ADGRE5: variants seen among roughly 807,000 people sequenced by gnomAD.
The protein encoded by ADGRE5 is CD97 molecule.
In ADGRE5, 72 loss-of-function variants were observed where a neutral mutation model predicts 100.3. The ratio of observed to expected loss-of-function variants is 0.72; its 90% CI spans 0.59 to 0.87. The LOEUF is 0.87. Ranked by LOEUF, ADGRE5 falls within the 40% of genes least tolerant of loss-of-function variation. The probability of loss-of-function intolerance (pLI) is 0.00; values close to 1 mark genes in which losing one functional copy is unlikely to be tolerated. For missense variants in ADGRE5, 959 were observed against 1,094.7 expected (o/e 0.88, Z 1.75); for synonymous variants, 439 against 447.8 (o/e 0.98, Z 0.25).
intron 1 of ADGRE5, 88 bp downstream of exon 1, chr19:14,381,633 T>C (rs1975159994): frequency 6.9e-7 from 1 of 1,455,382 alleles, no homozygotes; most frequent in Non-Finnish European, 9.3e-7. Flanking sequence ...GCGCCGCTGG[T>C]GTCTGTGGGG....
chr19:14,408,190 T>C lies in ADGRE5; in HGVS notation c.*69T>C. 1 of 1,538,300 alleles carries C rather than the reference T, an allele frequency of 6.5e-7. No homozygotes were observed. The highest frequency in any genetic ancestry group is 8.9e-7 in the Non-Finnish European group (1 of 1,119,992). Reference sequence around the variant, plus strand: ...CAGCTTTGTACACGAAGACCATCCATCCTCCCTTCGTCCACCACTCTACTC... The same window carrying C: ...CAGCTTTGTACACGAAGACCATCCACCCTCCCTTCGTCCACCACTCTACTC... On this transcript the variant is annotated 3_prime_UTR_variant, in exon 20 of 20. Transcript: ENST00000242786.
In ADGRE5 at chr19:14,401,434, G is replaced by A. The variant is rs750006287; in HGVS notation, c.946G>A (p.Glu316Lys). 4 of 1,614,166 alleles carry A rather than the reference G, an allele frequency of 2.5e-6. No homozygotes were observed. In the South Asian group the frequency reaches 3.3e-5, roughly 13 times the overall value. ...ACTGATGGAAGCTCCTGGAGACGTAGAGGCCCTGGCGCCACCTGTCCGGCA... is the reference window on the plus strand; with the variant it reads ...ACTGATGGAAGCTCCTGGAGACGTAAAGGCCCTGGCGCCACCTGTCCGGCA... Reference protein sequence around the residue: ...DELMEAPGDVEALAPPVRHLI... With the variant: ...DELMEAPGDVKALAPPVRHLI... Residue 316 changes from glutamate to lysine, a missense_variant, in exon 10 of 20, where the codon GAG (glutamate) becomes AAG (lysine). Around this residue, in one of 6 missense-constraint regions of ADGRE5, gnomAD observed 246 missense variants for 242.2 expected, o/e 1.02. Coordinates refer to ENST00000242786, the MANE Select transcript of ADGRE5 (RefSeq NM_078481.4). The surrounding 1 kb of genome is among the most constrained non-coding windows in gnomAD (Gnocchi z 4.1).
intron 4 of ADGRE5, among the ~76,000 whole-genome samples, chr19:14,395,427 A>G (rs1244929576): frequency 2.0e-5 from 3 of 152,094 alleles, no homozygotes; most frequent in Non-Finnish European, 4.4e-5. Context: ...CCTCTCCTGT[A>G]GTCAGTCCTG....
rs1479598568 is a variant in ADGRE5, at chr19:14,404,388, G to C, written c.1455G>C (p.Val485=). The part of the protein sequence containing the change: ...EAGRDPPAKD[V]MPGPRQELLC... ...CCACCCCCATCTGCCCACAGGACGTGATGCCTGGGCCACGGCAGGAGCTGC... is the reference window on the plus strand; with the variant it reads ...CCACCCCCATCTGCCCACAGGACGTCATGCCTGGGCCACGGCAGGAGCTGC... The change falls in exon 13 of 20, where the codon GTG becomes GTC. Residue 485 remains valine, a synonymous_variant. Coordinates refer to ENST00000242786, the MANE Select transcript of ADGRE5 (RefSeq NM_078481.4). 1 of 1,608,730 alleles carries C rather than the reference G, an allele frequency of 6.2e-7. No individual in the cohort carries two copies. Among genetic ancestry groups the C allele is most frequent in the Non-Finnish European group, 8.5e-7 (1 of 1,178,492 alleles).
intron 5 of ADGRE5, among the ~76,000 whole-genome samples, 183 bp downstream of exon 5, chr19:14,396,656 G>T (rs1975792369): frequency 6.6e-6 from 1 of 152,266 alleles, no homozygotes; most frequent in South Asian, 2.1e-4. Context: ...CAGGGAGGCG[G>T]CAGGGCCTTC....
chr19:14,404,922 C>T, intron 13 of ADGRE5: 1 of 260,294 alleles, frequency 3.8e-6, no homozygotes, highest in South Asian at 4.3e-5. Context: ...TATGGTGGCA[C>T]AATCTCAGCT....
Position 14,406,575 on chromosome 19 carries a change from G to A in ADGRE5, c.2048+18G>A, listed in dbSNP as rs1289002355. The A allele has an allele frequency of 6.2e-7, 1 of 1,605,716 alleles. No homozygotes were observed. ...CCCAGATAGTGAGTGCAGCGAGATG[G>A]GGCAGGAGGAAGGCGGGGTGCTGGG... On this transcript the variant is annotated intron_variant, in intron 15 of 19. Transcript: ENST00000242786. The surrounding 1 kb of genome is among the most constrained non-coding windows in gnomAD (Gnocchi z 6.0).
chr19:14,382,988 C>T (rs1192861696), intron 1 of ADGRE5, among the ~76,000 whole-genome samples: 10 of 151,912 alleles, frequency 6.6e-5, no homozygotes, highest in Middle Eastern at 3.2e-3. Flanking sequence ...CACCCGCCTC[C>T]GCCTCCCAAA....
chr19:14,407,479 G>C (rs986488635), intron 18 of ADGRE5, among the ~76,000 whole-genome samples: 1 of 152,008 alleles, frequency 6.6e-6, no homozygotes. Flanking sequence ...GTGAAACCCT[G>C]TCTCTACTAA....
At chr19:14,382,007 C>G (rs1975176785) in intron 1 of ADGRE5, among the ~76,000 whole-genome samples, 1 of 152,186 alleles carries the variant, frequency 6.6e-6, no homozygotes, top group African/African-American at 2.4e-5. Context: ...GCAGGGGCAG[C>G]CCCCAGAGAC....
chr19:14,403,987 C>T (rs1050180438), intron 12 of ADGRE5, among the ~76,000 whole-genome samples: 1 of 148,752 alleles, frequency 6.7e-6, no homozygotes, highest in African/African-American at 2.5e-5. Flanking sequence ...AGCGATTCTC[C>T]TGCCCAGGAC....
chr19:14,384,211 G>A, intron 1 of ADGRE5, among the ~76,000 whole-genome samples: 1 of 151,506 alleles, frequency 6.6e-6, no homozygotes, highest in East Asian at 1.9e-4. Flanking sequence ...GGGGGTTTCG[G>A]CCTTGGTTTA....
chr19:14,383,331 T>G (rs1440685270), intron 1 of ADGRE5, among the ~76,000 whole-genome samples: 1 of 151,836 alleles, frequency 6.6e-6, no homozygotes, highest in Non-Finnish European at 1.5e-5. Flanking sequence ...ATGGTGAAAC[T>G]CTGTCTTTAC....
At chr19:14,394,617 G>A (rs761051897) in intron 4 of ADGRE5, among the ~76,000 whole-genome samples, 4 of 152,112 alleles carry the variant, frequency 2.6e-5, no homozygotes, top group East Asian at 1.9e-4. Flanking sequence ...ATGACATGGC[G>A]TGTGGTGGCG....
chr19:14,390,544 G>A (rs1048224641), intron 3 of ADGRE5, among the ~76,000 whole-genome samples: 3 of 152,110 alleles, frequency 2.0e-5, no homozygotes, highest in South Asian at 2.1e-4. Flanking sequence ...GGCTGGTCTC[G>A]AACTCCTGAC....
chr19:14,408,201 TCCA>T lies in ADGRE5; in HGVS notation c.*85_*87del. 6.8e-7 allele frequency: 1 copy of T among 1,461,504 alleles called. No individual in the cohort carries two copies. The allele number at this position is 1,461,504 out of a possible 1,614,324, so 90.5% of individuals were successfully genotyped here. A position where few individuals can be genotyped will look rare whatever the true frequency, so the allele number is the denominator to read the frequency against. ...ACGAAGACCATCCATCCTCCCTTCGTCCACCACTCTACTCCCTCCACCCTCCCT... is the reference window on the plus strand; with the variant it reads ...ACGAAGACCATCCATCCTCCCTTCGTCCACTCTACTCCCTCCACCCTCCCT... On this transcript the variant is annotated 3_prime_UTR_variant, in exon 20 of 20. Coordinates refer to ENST00000242786, the MANE Select transcript of ADGRE5 (RefSeq NM_078481.4).
At chr19:14,407,039 G>A (rs1276216693) in intron 17 of ADGRE5, 22 bp from the exon 18 acceptor site, 3 of 1,613,802 alleles carry the variant, frequency 1.9e-6, no homozygotes, top group African/African-American at 1.3e-5. Context: ...GGGGGCCCAC[G>A]CTGCAACCCC....
chr19:14,388,331 G>A (rs573088933), intron 1 of ADGRE5, 119 bp from the exon 2 acceptor site: 22 of 1,532,094 alleles, frequency 1.4e-5, no homozygotes, highest in East Asian at 2.4e-5. Context: ...CACTCTGAAC[G>A]ACCGTCAGGA....
At position 14,402,657 on chromosome 19, in the gene ADGRE5, C is replaced by T. The variant is rs779578098; in HGVS notation, c.1244C>T (p.Ser415Phe). ...ATGACGACATTGCTGGCCAATGCCT[C>T]CTTGAACCTGCATTCCAAGAAGCAA... ...QNMTTLLANA[S>F]LNLHSKKQAE... Residue 415 changes from serine (S) to phenylalanine (F), a missense_variant, in exon 12 of 20, where the codon TCC (serine) becomes TTC (phenylalanine). By Grantham distance (155) the Ser-to-Phe change is radical. This residue lies in a region of ADGRE5 where 246 missense variants were observed against 242.2 expected (regional missense o/e 1.02). Coordinates refer to ENST00000242786, the MANE Select transcript of ADGRE5 (RefSeq NM_078481.4). 6.2e-7 allele frequency: 1 copy of T among 1,614,086 alleles called. No individual in the cohort carries two copies. The highest frequency in any genetic ancestry group is 8.5e-7 in the Non-Finnish European group (1 of 1,179,996).
Sources: gnomAD v4.1 joint callset for allele counts (sites outside exome capture counted in the v4.1 genomes callset) on GRCh38, gnomAD v4.1.1 for gene constraint, gnomAD v4.1.1 regional missense constraint, Gnocchi (gnomAD v3.1) non-coding constraint, MANE v1.5 for transcripts, NCBI Gene and HGNC (gene_info 2026-07-23, HGNC 2026-07-21) for gene names.